The following CCDC198 variants were observed in gnomAD, a reference collection of about 807,000 sequenced individuals.
CCDC198 encodes the protein factor associated with metabolism and energy.
CCDC198 carries 18 observed loss-of-function variants against 35.6 expected under a neutral mutation model. The ratio of observed to expected loss-of-function variants is 0.51; its 90% CI spans 0.35 to 0.75. The LOEUF (loss-of-function observed/expected upper bound fraction) is 0.75, where lower values mean the gene tolerates loss of function less well. CCDC198 is among the 30% of genes least tolerant of loss of function. CCDC198 has a pLI of 0.01. For synonymous variants in CCDC198, 119 were observed against 113.4 expected (o/e 1.05, Z -0.31); for missense variants, 365 against 343.7 (o/e 1.06, Z -0.49).
Position 57,471,325 on chromosome 14 carries a change from A to C in CCDC198, c.*30T>G. On this transcript the variant is annotated 3_prime_UTR_variant, in exon 6 of 6. Coordinates refer to ENST00000216445, the MANE Select transcript of CCDC198 (RefSeq NM_018168.4). The stretch of plus-strand genomic sequence containing the variant: ...TGAGAGTAAAACAAGCTTTCAAAGC[A>C]CTCAGTTTCTAGGTTAATGAATAGT... 6 of 1,520,924 alleles carry C rather than the reference A, an allele frequency of 3.9e-6. No individual in the cohort carries two copies. Among genetic ancestry groups the C allele is most frequent in the Non-Finnish European group, 5.4e-6 (6 of 1,103,642 alleles). The allele number at this position is 1,520,924 out of a possible 1,614,324, so 94.2% of individuals were successfully genotyped here. A position where few individuals can be genotyped will look rare whatever the true frequency, so the allele number is the denominator to read the frequency against.
In CCDC198 at chr14:57,493,641, A is replaced by G; in HGVS notation, c.75T>C (p.Thr25=). ...CAAAGTCCACACGGCCAGCCGAGGGAGTCTCTACCTCTTTGTTTTGCAAAG... is the reference window on the plus strand; with the variant it reads ...CAAAGTCCACACGGCCAGCCGAGGGGGTCTCTACCTCTTTGTTTTGCAAAG... ...VAPLQNKEVE[T]PSAGRVDFAF... Residue 25 remains threonine (T), a synonymous_variant, in exon 1 of 6, where the codon ACT becomes ACC. Coordinates refer to ENST00000216445, the MANE Select transcript of CCDC198 (RefSeq NM_018168.4). 6.2e-7 allele frequency: 1 copy of G among 1,613,940 alleles called. No individual in the cohort carries two copies.
Position 57,492,096 on chromosome 14 carries a change from T to A in CCDC198, c.224-1025A>T, listed in dbSNP as rs531516381. ...TTACTAATCCTTATTTTTTTTATTT[T>A]AGTGACATTACTCCATTATTTAATT... On this transcript the variant is annotated intron_variant, in intron 1 of 5. Coordinates refer to ENST00000216445, the MANE Select transcript of CCDC198 (RefSeq NM_018168.4). 5.9e-5 allele frequency among the ~76,000 whole-genome samples: 9 copies of A among 152,228 alleles called. 1 individual carries two copies. The highest frequency in any genetic ancestry group is 2.2e-4 in the African/African-American group (9 of 41,566).
intron 5 of CCDC198, among the ~76,000 whole-genome samples, chr14:57,477,333 C>T (rs2139483191): frequency 6.6e-6 from 1 of 152,328 alleles, no homozygotes; most frequent in South Asian, 2.1e-4. Flanking sequence ...CTCTTTCCAA[C>T]AACTTCAGCA....
chr14:57,478,477 A>G, intron 5 of CCDC198: 2 of 986,366 alleles, frequency 2.0e-6, no homozygotes, highest in Non-Finnish European at 2.4e-6. Context: ...GCTTGAACAA[A>G]ACGAAGCAGC....
At chr14:57,481,887 C>T (rs2067200922) in intron 3 of CCDC198, among the ~76,000 whole-genome samples, 1 of 152,170 alleles carries the variant, frequency 6.6e-6, no homozygotes, top group Non-Finnish European at 1.5e-5. Flanking sequence ...TTTTAGGTTG[C>T]TATAGAGTTT....
chr14:57,485,187 G>T (rs2067317313), intron 2 of CCDC198, among the ~76,000 whole-genome samples: 1 of 151,054 alleles, frequency 6.6e-6, no homozygotes, highest in Non-Finnish European at 1.5e-5. Context: ...GAGCTTGGGA[G>T]GAGAGGTCTG....
rs1266438094 is a variant in CCDC198 at position 57,480,693 on chromosome 14, C to T, written c.557G>A (p.Arg186Lys). The part of the protein sequence containing the change: ...GEARINKQSP[R>K]DHKAKKTLQS... ...AAGGGTTTTCTTGGCTTTATGGTCC[C>T]TTGGACTTTGCTTATTAATTCTTGC... Residue 186 changes from arginine (R) to lysine (K), a missense_variant, in exon 5 of 6, where the codon AGG becomes AAG. Arg to Lys is a conservative substitution (Grantham distance 26). Coordinates refer to ENST00000216445, the MANE Select transcript of CCDC198 (RefSeq NM_018168.4). 5.6e-6 allele frequency: 9 copies of T among 1,613,932 alleles called. No homozygotes were observed. Among genetic ancestry groups the T allele is most frequent in the Non-Finnish European group, 6.8e-6 (8 of 1,179,988 alleles).
rs1566583836 is a variant in CCDC198 at position 57,483,055 on chromosome 14, T to G, written c.393+10A>C. 1 of 1,614,002 alleles carries G rather than the reference T, an allele frequency of 6.2e-7. No homozygotes were observed. The highest frequency in any genetic ancestry group is 2.2e-5 in the East Asian group (1 of 44,864). ...GTTCACCTCCCTGTCAGGTTACTGC[T>G]GCAGCTCACCTTTGCTTTGTGCATT... On this transcript the variant is annotated intron_variant, in intron 3 of 5. Transcript: ENST00000216445.
At chr14:57,484,343 G>A (rs751881508) in intron 2 of CCDC198, among the ~76,000 whole-genome samples, 4 of 152,200 alleles carry the variant, frequency 2.6e-5, no homozygotes, top group African/African-American at 4.8e-5. Context: ...TGAAGATGAA[G>A]AGAGAGGTTG....
At chr14:57,488,563 A>G (rs2067449506) in intron 2 of CCDC198, among the ~76,000 whole-genome samples, 1 of 152,164 alleles carries the variant, frequency 6.6e-6, no homozygotes, top group Non-Finnish European at 1.5e-5. Context: ...CTGAAGACAT[A>G]AGATTGAATA....
intron 1 of CCDC198, among the ~76,000 whole-genome samples, chr14:57,491,526 C>T (rs1465807145): frequency 6.6e-6 from 1 of 152,004 alleles, no homozygotes; most frequent in Non-Finnish European, 1.5e-5. Flanking sequence ...GGTGATTATA[C>T]AGAGATGAGA....
At chr14:57,487,990 A>G (rs983974338) in intron 2 of CCDC198, among the ~76,000 whole-genome samples, 8 of 152,296 alleles carry the variant, frequency 5.3e-5, no homozygotes, top group African/African-American at 1.7e-4. Context: ...TATCTACTGC[A>G]TGAGCATATC....
chr14:57,485,086 G>T (rs991376180), intron 2 of CCDC198, among the ~76,000 whole-genome samples: 5 of 152,198 alleles, frequency 3.3e-5, no homozygotes, highest in Non-Finnish European at 5.9e-5. Context: ...AGTTTGGGTA[G>T]GATGTAGAAG....
At chr14:57,484,849 C>G (rs1016687011) in intron 2 of CCDC198, among the ~76,000 whole-genome samples, 1 of 152,092 alleles carries the variant, frequency 6.6e-6, no homozygotes, top group Non-Finnish European at 1.5e-5. Flanking sequence ...AAGGGTCATG[C>G]TGGCTGCAGT....
chr14:57,474,446 G>T (rs528049150), intron 5 of CCDC198, among the ~76,000 whole-genome samples: 3 of 152,336 alleles, frequency 2.0e-5, no homozygotes, highest in Non-Finnish European at 4.4e-5. Context: ...ATGTTTGTTT[G>T]TGGTGGGATC....
At chr14:57,481,693 T>C (rs1456055703) in intron 3 of CCDC198, 33 bp from the exon 4 acceptor site, 8 of 1,383,082 alleles carry the variant, frequency 5.8e-6, no homozygotes, top group Non-Finnish European at 8.2e-6. Flanking sequence ...TAGTATGGGG[T>C]AATTTGTTAC....
Position 57,471,575 on chromosome 14 carries a change from G to C in CCDC198, c.671C>G (p.Thr224Arg). The change falls in exon 6 of 6, where the codon ACA (threonine) becomes AGA (arginine). Residue 224 changes from threonine (T) to arginine (R), a missense_variant. By Grantham distance (71) the Thr-to-Arg change is moderately conservative. Coordinates refer to ENST00000216445, the MANE Select transcript of CCDC198 (RefSeq NM_018168.4). The stretch of plus-strand genomic sequence containing the variant: ...CACTGCTTGATGTTTCAAAAATTCT[G>C]TATTCTTTGAATTTCCTACAAAAAA... ...LNRGPGNSKN[T>R]EFLKHQAVNN... 6.4e-7 allele frequency: 1 copy of C among 1,571,928 alleles called. No individual in the cohort carries two copies. Among genetic ancestry groups the C allele is most frequent in the Non-Finnish European group, 8.6e-7 (1 of 1,158,080 alleles).
chr14:57,493,357 T>C (rs2067642084), intron 1 of CCDC198, 136 bp downstream of exon 1: 1 of 728,236 alleles, frequency 1.4e-6, no homozygotes, highest in Non-Finnish European at 2.3e-6. Flanking sequence ...AAGATTTGAG[T>C]TTTCAAAGAT....
At chr14:57,480,429 T>C in intron 5 of CCDC198, 166 bp downstream of exon 5, 1 of 754,434 alleles carries the variant, frequency 1.3e-6, no homozygotes, top group Non-Finnish European at 1.6e-6. Context: ...CTCCCAGCCA[T>C]CCAAAATTAC....
Sources: gnomAD v4.1 joint callset for allele counts (sites outside exome capture counted in the v4.1 genomes callset) on GRCh38, gnomAD v4.1.1 for gene constraint, MANE v1.5 for transcripts, NCBI Gene and HGNC (gene_info 2026-07-23, HGNC 2026-07-21) for gene names.